TRPM3: variants seen among roughly 807,000 people sequenced by gnomAD.
TRPM3 encodes the protein long transient receptor potential channel 3.
TRPM3 carries 77 observed loss-of-function variants against 181.2 expected under a neutral mutation model. The observed-to-expected ratio is 0.42, with a 90% confidence interval of 0.35 to 0.51. The LOEUF (loss-of-function observed/expected upper bound fraction) is 0.51. Among genes scored for constraint, TRPM3 ranks in the 20% least tolerant of loss-of-function variants. The pLI, the probability that TRPM3 is intolerant of heterozygous loss-of-function variation, is 0.01. For missense variants in TRPM3, 1,759 were observed against 2,196.7 expected, an observed-to-expected ratio of 0.80 and a Z score of 3.98; for synonymous variants, 745 against 796.4, an observed-to-expected ratio of 0.94 and a Z score of 1.09.
intron 1 of TRPM3, among the ~76,000 whole-genome samples, chr9:71,084,536 C>T (rs889133138): frequency 1.3e-5 from 2 of 151,848 alleles, no homozygotes; most frequent in Non-Finnish European, 2.9e-5. Flanking sequence ...GCCACACACA[C>T]ACAAAAATAC....
intron 19 of TRPM3, among the ~76,000 whole-genome samples, chr9:70,608,916 T>C (rs894695201): frequency 6.6e-5 from 10 of 152,288 alleles, no homozygotes; most frequent in African/African-American, 1.4e-4. Flanking sequence ...ACCTAGAACA[T>C]TGCCTCAAAC....
At chr9:71,170,348 G>A (rs1156332725) in intron 1 of TRPM3, among the ~76,000 whole-genome samples, 2 of 152,290 alleles carry the variant, frequency 1.3e-5, no homozygotes, top group East Asian at 1.9e-4. Flanking sequence ...TAGGAAGAAC[G>A]TCTGGACTGC....
At position 70,612,836 on chromosome 9, in the gene TRPM3, T is replaced by C. The variant is rs150381665; in HGVS notation, c.2527-2087A>G. ...ATAATTATCATGCCTCTGTTCTGCT[T>C]ATTTATATGCTTGAGAATCTAATGC... is the stretch of plus-strand genomic sequence containing the variant. On this transcript the variant is annotated intron_variant, in intron 18 of 25. Transcript: ENST00000677713. Among the ~76,000 whole-genome samples the C allele has an allele frequency of 4.9e-4, 74 of 152,330 alleles. No individual in the cohort carries two copies. In the East Asian group the frequency reaches 0.011, roughly 23 times the overall value.
chr9:70,629,215 C>CGGGG (rs550040624), intron 12 of TRPM3, among the ~76,000 whole-genome samples: 323 of 10,106 alleles, frequency 0.032, 109 homozygotes, highest in East Asian at 0.11. Context: ...TGACCAGTGC[C>CGGGG]GGGGGGGGGG....
At chr9:70,542,130 A>G (rs1185747171) in intron 25 of TRPM3, among the ~76,000 whole-genome samples, 1 of 152,178 alleles carries the variant, frequency 6.6e-6, no homozygotes, top group Non-Finnish European at 1.5e-5. Context: ...CAAACAAAAC[A>G]AAGTTCAATG....
intron 1 of TRPM3, among the ~76,000 whole-genome samples, chr9:71,098,901 C>A (rs1348186463): frequency 6.6e-6 from 1 of 152,102 alleles, no homozygotes; most frequent in Non-Finnish European, 1.5e-5. Context: ...GATACTCATG[C>A]CTCCCTAGGC....
upstream of TRPM3, among the ~76,000 whole-genome samples, chr9:71,124,061 G>A (rs1364203476): frequency 1.3e-5 from 2 of 152,102 alleles, no homozygotes; most frequent in African/African-American, 2.4e-5. Flanking sequence ...GGCAATTAGA[G>A]GAGAAAAGCA....
chr9:70,953,465 A>G (rs1173554188), intron 1 of TRPM3, among the ~76,000 whole-genome samples: 1 of 152,066 alleles, frequency 6.6e-6, no homozygotes. Context: ...GAAAAATGTG[A>G]CATTGTCTTG....
intron 5 of TRPM3, among the ~76,000 whole-genome samples, chr9:70,828,754 T>C (rs1301991556): frequency 6.7e-6 from 1 of 150,310 alleles, no homozygotes; most frequent in African/African-American, 2.4e-5. Context: ...AGCTAGTTGC[T>C]CTATACATGT....
At chr9:71,404,437 C>T (rs2093398746) in intron 1 of TRPM3, among the ~76,000 whole-genome samples, 1 of 152,130 alleles carries the variant, frequency 6.6e-6, no homozygotes, top group South Asian at 2.1e-4. Context: ...CTTCCTCTAA[C>T]TTATTCATCT....
At chr9:71,073,992 A>G (rs2133599788) in intron 1 of TRPM3, among the ~76,000 whole-genome samples, 1 of 152,338 alleles carries the variant, frequency 6.6e-6, no homozygotes, top group South Asian at 2.1e-4. Context: ...TATAAAGAAT[A>G]CATCTTTTGA....
intron 1 of TRPM3, among the ~76,000 whole-genome samples, chr9:71,346,752 G>C (rs1479747227): frequency 6.6e-6 from 1 of 152,222 alleles, no homozygotes; most frequent in Non-Finnish European, 1.5e-5. Context: ...AAAGCAAAGA[G>C]AGACAACCAG....
At chr9:71,267,335 A>T (rs117589325) in intron 1 of TRPM3, among the ~76,000 whole-genome samples, 1 of 152,178 alleles carries the variant, frequency 6.6e-6, no homozygotes, top group Non-Finnish European at 1.5e-5. Flanking sequence ...GTTTACCCTC[A>T]TTCTAGACTG....
At chr9:70,944,541 T>C (rs892317614) in intron 1 of TRPM3, among the ~76,000 whole-genome samples, 4 of 152,126 alleles carry the variant, frequency 2.6e-5, no homozygotes, top group Non-Finnish European at 2.9e-5. Flanking sequence ...TTCCATATTG[T>C]CCCTTTAAGA....
intron 1 of TRPM3, among the ~76,000 whole-genome samples, chr9:71,148,894 T>C (rs988474837): frequency 1.3e-5 from 2 of 152,078 alleles, no homozygotes; most frequent in African/African-American, 4.8e-5. Flanking sequence ...AAAAATAATA[T>C]AAGTATCAAA....
chr9:70,842,337 G>A (rs1368011036), intron 5 of TRPM3, among the ~76,000 whole-genome samples: 1 of 152,082 alleles, frequency 6.6e-6, no homozygotes, highest in East Asian at 1.9e-4. Context: ...CAAAGGGCAG[G>A]ACAGTGAGCC....
intron 1 of TRPM3, among the ~76,000 whole-genome samples, chr9:71,100,344 TG>T (rs959540598): frequency 1.3e-5 from 2 of 152,052 alleles, no homozygotes; most frequent in African/African-American, 4.8e-5. Flanking sequence ...AAGAAACCAT[TG>T]AAAAATTAGA....
chr9:70,541,226 G>T (rs72718940), intron 25 of TRPM3, among the ~76,000 whole-genome samples: 4,779 of 152,212 alleles, frequency 0.031, 99 homozygotes, highest in Non-Finnish European at 0.05. Context: ...GGGGAGGGAG[G>T]CCTGTTGGAA....
At chr9:70,952,513 T>C (rs1267218342) in intron 1 of TRPM3, among the ~76,000 whole-genome samples, 3 of 152,170 alleles carry the variant, frequency 2.0e-5, no homozygotes, top group Non-Finnish European at 2.9e-5. Flanking sequence ...CACAACTCAG[T>C]GTAGCAGCCT....
Sources: gnomAD v4.1 joint callset for allele counts (sites outside exome capture counted in the v4.1 genomes callset) on GRCh38, gnomAD v4.1.1 for gene constraint, MANE v1.5 for transcripts, NCBI Gene and HGNC (gene_info 2026-07-23, HGNC 2026-07-21) for gene names.